Variants in ZNF438 observed in about 807,000 individuals in gnomAD.
The protein encoded by ZNF438 is zinc finger protein 438.
A neutral mutation model predicts 38.0 loss-of-function variants in ZNF438; 25 were observed. The ratio of observed to expected loss-of-function variants is 0.66; its 90% CI spans 0.48 to 0.92. ZNF438 has a LOEUF of 0.92. Ranked by LOEUF, ZNF438 falls within the 40% of genes least tolerant of loss-of-function variation. ZNF438 has a pLI of 0.00. For missense variants in ZNF438, 1,007 were observed against 999.6 expected (o/e 1.01, Z -0.10); for synonymous variants, 372 against 364.1 (o/e 1.02, Z -0.25).
chr10:30,960,710 C>A (rs973928070), intron 1 of ZNF438, among the ~76,000 whole-genome samples: 3 of 146,586 alleles, frequency 2.0e-5, no homozygotes, highest in African/African-American at 7.3e-5. Flanking sequence ...CAATTTTGTT[C>A]TTTTACTCAT....
chr10:31,002,487 A>G (rs549108055), intron 1 of ZNF438, among the ~76,000 whole-genome samples: 131 of 152,288 alleles, frequency 8.6e-4, no homozygotes, highest in African/African-American at 3.0e-3. Context: ...TCCCTCTAAT[A>G]CTGAGTCATC....
In ZNF438 at chr10:30,848,567, T is replaced by C. The variant is rs182928199; in HGVS notation, c.1838A>G (p.Asp613Gly). Residue 613 changes from aspartate (D) to glycine (G), a missense_variant, in exon 5 of 6, where the codon GAC (aspartate) becomes GGC (glycine). Transcript: ENST00000413025. ...TCCCTCCATGCCTCGCACACTCATG[T>C]CTCTGTTCTTTGGTATGTCTCCTGG... 4.3e-4 allele frequency: 693 copies of C among 1,613,814 alleles called. 6 individuals are homozygous for C. The East Asian group carries it at 0.015, about 34-fold the overall frequency.
rs2039997754 is a variant in ZNF438, at chr10:30,886,743, G to A, written c.-31-9678C>T. Among the ~76,000 whole-genome samples, 3 of 152,156 alleles carry A rather than the reference G, an allele frequency of 2.0e-5. No homozygotes were observed. In the South Asian group the frequency reaches 6.2e-4, roughly 31 times the overall value. The stretch of plus-strand genomic sequence containing the variant: ...CACATGGCTTTCGCACCATTGTAAA[G>A]TTGAAAAATCTTGAGTTGAACTAAG... On this transcript the variant is annotated intron_variant, in intron 3 of 5. Transcript: ENST00000413025.
chr10:30,854,192 C>A (rs1314564839), intron 4 of ZNF438, among the ~76,000 whole-genome samples: 1 of 150,784 alleles, frequency 6.6e-6, no homozygotes, highest in Non-Finnish European at 1.5e-5. Flanking sequence ...TGGTGGTGGG[C>A]GCCTGTAGTC....
chr10:30,923,732 A>T (rs1475945018), intron 2 of ZNF438, among the ~76,000 whole-genome samples: 1 of 152,246 alleles, frequency 6.6e-6, no homozygotes, highest in Admixed American at 6.5e-5. Context: ...TATTGTCATT[A>T]TATAAAGGCA....
chr10:30,988,351 A>C (rs1430534211), intron 1 of ZNF438, among the ~76,000 whole-genome samples: 1 of 152,126 alleles, frequency 6.6e-6, no homozygotes, highest in Non-Finnish European at 1.5e-5. Context: ...CAACCTGAAA[A>C]AGACTACAAT....
chr10:30,896,033 G>A (rs1182430958), intron 3 of ZNF438, among the ~76,000 whole-genome samples: 1 of 152,158 alleles, frequency 6.6e-6, no homozygotes, highest in African/African-American at 2.4e-5. Flanking sequence ...CAGGCACGGT[G>A]CCTCACGCCT....
Position 30,929,492 on chromosome 10 carries a change from T to G in ZNF438, c.-115+12083A>C, listed in dbSNP as rs2045371473. Among the ~76,000 whole-genome samples the G allele has an allele frequency of 8.5e-5, 13 of 152,208 alleles. No homozygotes were observed. In the South Asian group the frequency reaches 2.5e-3, roughly 29 times the overall value. On this transcript the variant is annotated intron_variant, in intron 2 of 5. Coordinates refer to ENST00000413025, the Ensembl canonical transcript of ZNF438. ...GTGAAGCTGCAGATCTTCGCGGTGA[T>G]TGTTACAGCTCATAAAGGCAGTGTG... is the stretch of plus-strand genomic sequence containing the variant.
chr10:30,946,525 G>A (rs1036602835), intron 1 of ZNF438, among the ~76,000 whole-genome samples: 1 of 152,146 alleles, frequency 6.6e-6, no homozygotes, highest in African/African-American at 2.4e-5. Flanking sequence ...CCATCAAAAA[G>A]TGGGCGAAGG....
rs1015631229 is a variant in ZNF438, at chr10:30,961,682, T to C, written c.-191-20031A>G. The stretch of plus-strand genomic sequence containing the variant: ...TGAGTGAATCACTTGAGATCAGGAG[T>C]TCGAGACCAGCCTGGCCAACATGGT... On this transcript the variant is annotated intron_variant, in intron 1 of 5. Transcript: ENST00000413025. Among the ~76,000 whole-genome samples the C allele has an allele frequency of 1.3e-4, 19 of 145,066 alleles. 4 individuals carry two copies. Among genetic ancestry groups the C allele is most frequent in the Non-Finnish European group, 2.3e-4 (15 of 63,870 alleles).
intron 2 of ZNF438, among the ~76,000 whole-genome samples, chr10:30,926,992 A>G (rs2045018475): frequency 6.6e-6 from 1 of 152,250 alleles, no homozygotes; most frequent in South Asian, 2.1e-4. Flanking sequence ...AAGGAAACAA[A>G]GAAATATATT....
intron 3 of ZNF438, among the ~76,000 whole-genome samples, chr10:30,895,946 C>T (rs1248166329): frequency 6.6e-6 from 1 of 151,892 alleles, no homozygotes; most frequent in South Asian, 2.1e-4. Flanking sequence ...TATAGCAGTA[C>T]CTCAAAAAAT....
chr10:30,969,343 C>T (rs1377015913), intron 1 of ZNF438, among the ~76,000 whole-genome samples: 2 of 152,172 alleles, frequency 1.3e-5, no homozygotes, highest in Non-Finnish European at 2.9e-5. Context: ...TTTTCATATA[C>T]TAAATGGCAT....
At chr10:30,936,073 G>T (rs1158522038) in intron 2 of ZNF438, among the ~76,000 whole-genome samples, 2 of 152,166 alleles carry the variant, frequency 1.3e-5, no homozygotes, top group Non-Finnish European at 2.9e-5. Context: ...ACAAATAAAA[G>T]CCATGAAGAT....
intron 1 of ZNF438, among the ~76,000 whole-genome samples, chr10:30,954,936 G>A (rs146648487): frequency 7.9e-5 from 12 of 152,134 alleles, no homozygotes; most frequent in Non-Finnish European, 1.8e-4. Context: ...GCAAAACCTC[G>A]AGCCAGGGAG....
chr10:30,923,855 A>C (rs1468865371), intron 2 of ZNF438, among the ~76,000 whole-genome samples: 1 of 152,226 alleles, frequency 6.6e-6, no homozygotes, highest in African/African-American at 2.4e-5. Flanking sequence ...AGTATCATCC[A>C]AATAATAATA....
At chr10:31,007,755 G>A (rs913148859) in intron 1 of ZNF438, among the ~76,000 whole-genome samples, 4 of 152,182 alleles carry the variant, frequency 2.6e-5, no homozygotes, top group Non-Finnish European at 5.9e-5. Context: ...TAGCTATTAA[G>A]AGTGTTAGTT....
chr10:30,926,963 G>C (rs1169015067), intron 2 of ZNF438, among the ~76,000 whole-genome samples: 1 of 152,204 alleles, frequency 6.6e-6, no homozygotes, highest in African/African-American at 2.4e-5. Context: ...GGTAAGTTGA[G>C]AGAGAAGAGA....
chr10:30,904,037 G>A (rs2042331459), intron 3 of ZNF438, among the ~76,000 whole-genome samples: 1 of 147,898 alleles, frequency 6.8e-6, no homozygotes, highest in Admixed American at 6.7e-5. Context: ...AAAAGACACA[G>A]GAGACAGACT....
Sources: allele counts gnomAD v4.1 joint callset (sites outside exome capture counted in the v4.1 genomes callset), GRCh38; gene constraint gnomAD v4.1.1; transcripts MANE v1.5; gene names NCBI Gene and HGNC (gene_info 2026-07-23, HGNC 2026-07-21).